The following CYP2J2 variants were observed in gnomAD, a reference collection of about 807,000 sequenced individuals.
CYP2J2 encodes cytochrome P450 2J2.
CYP2J2 carries 41 observed loss-of-function variants against 48.8 expected under a neutral mutation model. The ratio of observed to expected loss-of-function variants is 0.84; its 90% CI spans 0.66 to 1.09. CYP2J2 has a LOEUF of 1.09. Ranked by LOEUF, CYP2J2 falls within the 50% of genes least tolerant of loss-of-function variation. The pLI is 0.00. For missense variants in CYP2J2, 644 were observed against 617.3 expected (o/e 1.04, Z -0.46); for synonymous variants, 221 against 227.1 (o/e 0.97, Z 0.24).
At chr1:59,925,753 A>G (rs1404079067) in intron 1 of CYP2J2, among the ~76,000 whole-genome samples, 1 of 152,176 alleles carries the variant, frequency 6.6e-6, no homozygotes, top group African/African-American at 2.4e-5. Context: ...GGGAACTACT[A>G]TTTGTTATGT....
intron 7 of CYP2J2, among the ~76,000 whole-genome samples, chr1:59,903,419 G>A (rs1171429188): frequency 1.3e-5 from 2 of 152,194 alleles, no homozygotes; most frequent in Admixed American, 6.5e-5. Context: ...TCTGTTTGTC[G>A]CAGAAACAGA....
intron 6 of CYP2J2, among the ~76,000 whole-genome samples, chr1:59,907,287 G>T (rs996838893): frequency 1.3e-5 from 2 of 152,094 alleles, no homozygotes; most frequent in Non-Finnish European, 2.9e-5. Context: ...CATCTATCAC[G>T]ACATAGAGGC....
intron 5 of CYP2J2, 71 bp downstream of exon 5, chr1:59,909,713 A>G (rs1644394816): frequency 8.9e-7 from 1 of 1,118,094 alleles, no homozygotes; most frequent in Non-Finnish European, 1.3e-6. Context: ...ATTTTACAGC[A>G]GCAGTTGGAA....
the CYP2J2 span, among the ~76,000 whole-genome samples, chr1:59,956,049 A>G: frequency 6.6e-6 from 1 of 152,164 alleles, no homozygotes; most frequent in African/African-American, 2.4e-5. Flanking sequence ...ATACATATGC[A>G]TATGTTACAT....
At chr1:59,910,012 C>G (rs1276472846) in intron 4 of CYP2J2, 52 bp from the exon 5 acceptor site, 2 of 1,384,166 alleles carry the variant, frequency 1.4e-6, no homozygotes, top group Admixed American at 4.5e-5. Flanking sequence ...CCATTTTTTT[C>G]TTTTTAAGAC....
rs150438476 is a variant in CYP2J2 at position 59,912,288 on chromosome 1, C to T, written c.397G>A (p.Ala133Thr). Residue 133 changes from alanine to threonine, a missense_variant, in exon 3 of 9, where the codon GCA becomes ACA. By Grantham distance (58) the Ala-to-Thr change is moderately conservative. Transcript: ENST00000371204. ...KNGLIMSSGQ[A>T]WKEQRRFTLT... Reference sequence around the variant, plus strand: ...GTGAACCTTCTTTGCTCCTTCCATGCCTGGCCACTTGACATAATCAATCCT... The same window carrying T: ...GTGAACCTTCTTTGCTCCTTCCATGTCTGGCCACTTGACATAATCAATCCT... The T allele has an allele frequency of 4.9e-5, 79 of 1,613,540 alleles. 1 individual carries two copies. The African/African-American group carries it at 9.9e-4, about 20-fold the overall frequency.
chr1:59,964,803 C>T, the CYP2J2 span, among the ~76,000 whole-genome samples: 1 of 152,132 alleles, frequency 6.6e-6, no homozygotes, highest in Non-Finnish European at 1.5e-5. Flanking sequence ...CCATGGGAAA[C>T]CAATGGAGAG....
chr1:59,914,978 C>T (rs957814570), intron 2 of CYP2J2, among the ~76,000 whole-genome samples: 4 of 152,204 alleles, frequency 2.6e-5, no homozygotes, highest in Admixed American at 6.5e-5. Context: ...TTGGCAGCAA[C>T]GCTGCTCTGT....
intron 1 of CYP2J2, among the ~76,000 whole-genome samples, chr1:59,925,807 C>T (rs1379220238): frequency 1.3e-5 from 2 of 152,216 alleles, no homozygotes; most frequent in Non-Finnish European, 2.9e-5. Context: ...TTTATCTAAT[C>T]TTCATAATCA....
chr1:59,902,112 G>T (rs891387364), intron 7 of CYP2J2, among the ~76,000 whole-genome samples: 2 of 152,004 alleles, frequency 1.3e-5, no homozygotes, highest in African/African-American at 2.4e-5. Flanking sequence ...TATTTGCCTT[G>T]CCAGGAATGT....
At chr1:59,922,995 A>G (rs1644531265) in intron 1 of CYP2J2, among the ~76,000 whole-genome samples, 1 of 152,208 alleles carries the variant, frequency 6.6e-6, no homozygotes. Context: ...TCTATTCCTA[A>G]GCTGAAGTAA....
chr1:59,935,027 TATATATATATATATATATATATATAC>T, the CYP2J2 span, among the ~76,000 whole-genome samples: 108 of 100,134 alleles, frequency 1.1e-3, 1 homozygote, highest in African/African-American at 4.2e-3. Flanking sequence ...TATATATATA[TATATATATATATATATATATATATAC>T]ACAACAGAAT....
At chr1:59,911,999 T>G (rs903687020) in intron 3 of CYP2J2, among the ~76,000 whole-genome samples, 163 bp downstream of exon 3, 1 of 152,210 alleles carries the variant, frequency 6.6e-6, no homozygotes, top group Non-Finnish European at 1.5e-5. Context: ...CCCATCTTTG[T>G]GTATTTACTT....
chr1:59,940,973 C>T, the CYP2J2 span, among the ~76,000 whole-genome samples: 784 of 152,222 alleles, frequency 5.2e-3, 5 homozygotes, highest in African/African-American at 0.018. Flanking sequence ...TTACCAGAGT[C>T]TTGGAATGGT....
At chr1:59,939,518 T>C in the CYP2J2 span, among the ~76,000 whole-genome samples, 6 of 152,172 alleles carry the variant, frequency 3.9e-5, no homozygotes, top group African/African-American at 1.4e-4. Context: ...ACCACTAGGA[T>C]TGCACTGGTT....
chr1:59,934,836 C>A, the CYP2J2 span, among the ~76,000 whole-genome samples: 1 of 150,966 alleles, frequency 6.6e-6, no homozygotes, highest in Admixed American at 6.6e-5. Context: ...TATGACCCAG[C>A]AATCCCACAT....
the CYP2J2 span, among the ~76,000 whole-genome samples, chr1:59,964,279 G>A: frequency 1.3e-5 from 2 of 152,134 alleles, no homozygotes; most frequent in South Asian, 2.1e-4. Flanking sequence ...ACCTCTGCCT[G>A]GCACTGACAG....
chr1:59,917,459 C>A (rs2102132397), intron 1 of CYP2J2, among the ~76,000 whole-genome samples: 1 of 152,306 alleles, frequency 6.6e-6, no homozygotes, highest in Admixed American at 6.5e-5. Context: ...ATAGCTGAAA[C>A]AACACAGCAA....
At chr1:59,904,167 TCCA>T (rs1215039096) in intron 7 of CYP2J2, among the ~76,000 whole-genome samples, 1 of 152,022 alleles carries the variant, frequency 6.6e-6, no homozygotes, top group Non-Finnish European at 1.5e-5. Flanking sequence ...GGTCAAGAGA[TCCA>T]GACCATCCTG....
Sources: allele counts gnomAD v4.1 joint callset (sites outside exome capture counted in the v4.1 genomes callset), GRCh38; gene constraint gnomAD v4.1.1; transcripts MANE v1.5; gene names NCBI Gene and HGNC (gene_info 2026-07-23, HGNC 2026-07-21).